Variants in BMPR1B observed in about 807,000 individuals in gnomAD.
BMPR1B encodes bone morphogenetic protein receptor type-1B.
In BMPR1B, 12 loss-of-function variants were observed where a neutral mutation model predicts 59.1. The observed-to-expected ratio is 0.20, with a 90% CI of 0.13 to 0.33. BMPR1B has a LOEUF of 0.33. BMPR1B is among the 10% of genes least tolerant of loss of function. BMPR1B has a pLI of 1.00. For missense variants in BMPR1B, 550 were observed against 610.9 expected (o/e 0.90, Z 1.05); for synonymous variants, 237 against 207.3 (o/e 1.14, Z -1.23).
chr4:94,761,554 G>A (rs988584094), intron 1 of BMPR1B, among the ~76,000 whole-genome samples: 52 of 151,916 alleles, frequency 3.4e-4, no homozygotes, highest in African/African-American at 1.2e-3. Context: ...TTAACTCCCA[G>A]AACAACTGCA....
At chr4:94,873,551 C>T (rs773425486) in intron 1 of BMPR1B, among the ~76,000 whole-genome samples, 3 of 151,898 alleles carry the variant, frequency 2.0e-5, no homozygotes, top group African/African-American at 7.3e-5. Flanking sequence ...GGACTACAGG[C>T]GTGCGCCACC....
chr4:94,843,630 GTTA>G (rs1725187514), intron 1 of BMPR1B, among the ~76,000 whole-genome samples: 1 of 151,980 alleles, frequency 6.6e-6, no homozygotes, highest in Non-Finnish European at 1.5e-5. Flanking sequence ...TGATCTTTTG[GTTA>G]TTATTGTATG....
intron 5 of BMPR1B, 98 bp from the exon 6 acceptor site, chr4:95,115,587 A>C: frequency 9.8e-7 from 1 of 1,016,838 alleles, no homozygotes; most frequent in Non-Finnish European, 1.5e-6. Flanking sequence ...TAGAATTTTA[A>C]ATTAGTTCTC....
chr4:95,090,729 T>G (rs2149247930), intron 3 of BMPR1B, among the ~76,000 whole-genome samples: 1 of 152,220 alleles, frequency 6.6e-6, no homozygotes, highest in South Asian at 2.1e-4. Context: ...AAATATCTCT[T>G]AAATCAATAT....
intron 2 of BMPR1B, among the ~76,000 whole-genome samples, chr4:94,922,794 A>G (rs1210759998): frequency 2.0e-5 from 3 of 152,118 alleles, no homozygotes; most frequent in Non-Finnish European, 4.4e-5. Context: ...AAGCCAACCT[A>G]ATACTCTTTA....
In BMPR1B at chr4:95,157,370, T is replaced by G. The variant is rs1343967949; in HGVS notation, c.*2697T>G. On this transcript the variant is annotated 3_prime_UTR_variant, in exon 13 of 13. Coordinates refer to ENST00000515059, the MANE Select transcript of BMPR1B (RefSeq NM_001203.3). Reference sequence around the variant, plus strand: ...AAATTGTTCTTAAAGACTACTCATTTCCCAATAATCCTTTATGATTTCAAA... The same window carrying G: ...AAATTGTTCTTAAAGACTACTCATTGCCCAATAATCCTTTATGATTTCAAA... 2 of 152,088 alleles carry G rather than the reference T, an allele frequency of 1.3e-5. No homozygotes were observed. The highest frequency in any genetic ancestry group is 2.9e-5 in the Non-Finnish European group (2 of 67,964). The allele number at this position is 152,088 out of a possible 1,614,324, so 9.4% of individuals were successfully genotyped here.
At chr4:94,856,279 C>T (rs767942747) in intron 1 of BMPR1B, among the ~76,000 whole-genome samples, 5 of 152,022 alleles carry the variant, frequency 3.3e-5, no homozygotes, top group Non-Finnish European at 4.4e-5. Flanking sequence ...GCAGGGGTGC[C>T]GTTTTTCTGA....
At chr4:94,770,046 A>C (rs998009253) in intron 1 of BMPR1B, among the ~76,000 whole-genome samples, 10 of 152,192 alleles carry the variant, frequency 6.6e-5, no homozygotes, top group African/African-American at 2.4e-4. Context: ...TAGAGTCTTC[A>C]CATCTATAAT....
At chr4:94,847,924 T>C (rs963668816) in intron 1 of BMPR1B, among the ~76,000 whole-genome samples, 16 of 152,136 alleles carry the variant, frequency 1.1e-4, no homozygotes, top group African/African-American at 3.6e-4. Context: ...AGAGTATAAT[T>C]GGATTTTTTG....
At chr4:94,838,963 T>C (rs1441677390) in intron 1 of BMPR1B, among the ~76,000 whole-genome samples, 2 of 134,238 alleles carry the variant, frequency 1.5e-5, no homozygotes, top group Non-Finnish European at 3.2e-5. Flanking sequence ...TGTTGTGTCT[T>C]TGTTCTCATT....
chr4:94,829,502 C>T (rs1442122385), intron 1 of BMPR1B, among the ~76,000 whole-genome samples: 2 of 151,956 alleles, frequency 1.3e-5, no homozygotes, highest in Admixed American at 6.6e-5. Context: ...TGGGCTCAAG[C>T]GATCTTGTCA....
At position 94,757,988 on chromosome 4, in the gene BMPR1B, G is replaced by C. The variant is rs1426805320; in HGVS notation, c.-263G>C. 6.8e-6 allele frequency: 1 copy of C among 147,614 alleles called. No homozygotes were observed. The highest frequency in any genetic ancestry group is 1.5e-5 in the Non-Finnish European group (1 of 66,332). The allele number at this position is 147,614 out of a possible 1,614,324, so 9.1% of individuals were successfully genotyped here. A position where few individuals can be genotyped will look rare whatever the true frequency, so the allele number is the denominator to read the frequency against. On this transcript the variant is annotated 5_prime_UTR_variant, in exon 1 of 13. Coordinates refer to ENST00000515059, the MANE Select transcript of BMPR1B (RefSeq NM_001203.3). ...ACGGCGCAGCCGGGCGCGGGGCGCG[G>C]AGTCGGCGGGGCCTCGCGGGACGCC...
chr4:95,088,343 T>G (rs1729742349), intron 3 of BMPR1B, among the ~76,000 whole-genome samples: 2 of 152,128 alleles, frequency 1.3e-5, no homozygotes, highest in Non-Finnish European at 2.9e-5. Context: ...GACAGGAGCC[T>G]GGCATAGTTG....
intron 2 of BMPR1B, among the ~76,000 whole-genome samples, chr4:94,907,565 G>C (rs115353608): frequency 1.1e-3 from 172 of 152,052 alleles, no homozygotes; most frequent in African/African-American, 3.7e-3. Flanking sequence ...CGTCTATTAA[G>C]ATGTAAATCA....
intron 3 of BMPR1B, among the ~76,000 whole-genome samples, chr4:95,013,057 CTT>C (rs1723334171): frequency 6.6e-6 from 1 of 150,802 alleles, no homozygotes; most frequent in African/African-American, 2.4e-5. Flanking sequence ...AATGTTTTGT[CTT>C]ATGTTAAAAA....
Position 94,773,208 on chromosome 4 carries a change from T to A in BMPR1B, c.-183+15140T>A, listed in dbSNP as rs1467106084. On this transcript the variant is annotated intron_variant, in intron 1 of 12. Coordinates refer to ENST00000515059, the MANE Select transcript of BMPR1B (RefSeq NM_001203.3). ...GGTCATAATCTAGAATCTGGACTGA[T>A]CACTTAAAATGGAATATTGGCCAAC... Among the ~76,000 whole-genome samples the A allele has an allele frequency of 2.0e-5, 3 of 152,136 alleles. 1 individual carries two copies. The highest frequency in any genetic ancestry group is 1.3e-4 in the Admixed American group (2 of 15,280).
intron 3 of BMPR1B, among the ~76,000 whole-genome samples, chr4:95,036,414 G>A (rs974367547): frequency 2.4e-4 from 37 of 151,876 alleles, no homozygotes; most frequent in African/African-American, 7.0e-4. Context: ...TTTTGTCCAC[G>A]AAGTTCATCG....
intron 1 of BMPR1B, among the ~76,000 whole-genome samples, chr4:94,809,486 A>AT (rs1723732437): frequency 6.6e-6 from 1 of 152,246 alleles, no homozygotes; most frequent in African/African-American, 2.4e-5. Context: ...GCTTCAGATT[A>AT]TATCACTTTC....
intron 2 of BMPR1B, among the ~76,000 whole-genome samples, chr4:94,937,690 T>G (rs1729365919): frequency 7.2e-6 from 1 of 139,470 alleles, no homozygotes; most frequent in Non-Finnish European, 1.5e-5. Flanking sequence ...GTTTTTTAAA[T>G]TTTATGTATA....
Sources: allele counts gnomAD v4.1 joint callset (sites outside exome capture counted in the v4.1 genomes callset), GRCh38; gene constraint gnomAD v4.1.1; transcripts MANE v1.5; gene names NCBI Gene and HGNC (gene_info 2026-07-23, HGNC 2026-07-21).